SMARCAL1: variants seen among roughly 807,000 people sequenced by gnomAD.
SMARCAL1 encodes the protein SNF2 related chromatin remodeling annealing helicase 1, also known as ATP-driven annealing helicase.
In SMARCAL1, 58 loss-of-function variants were observed where a neutral mutation model predicts 94.5. That is an observed-to-expected ratio of 0.61 (90% confidence interval 0.50 to 0.76). The LOEUF is 0.76. Ranked by LOEUF, SMARCAL1 falls within the 30% of genes least tolerant of loss-of-function variation. SMARCAL1 has a pLI of 0.00. For synonymous variants in SMARCAL1, 422 were observed against 455.1 expected, an observed-to-expected ratio of 0.93 and a Z score of 0.93; for missense variants, 1,051 against 1,177.9, an observed-to-expected ratio of 0.89 and a Z score of 1.58.
chr2:216,472,205 A>C (rs2106082336), intron 14 of SMARCAL1, among the ~76,000 whole-genome samples: 1 of 152,232 alleles, frequency 6.6e-6, no homozygotes, highest in South Asian at 2.1e-4. Context: ...GAATACAAAA[A>C]TTAGCTGGGC....
rs1693992778 is a variant in SMARCAL1, at chr2:216,432,723, C to T, written c.1340C>T (p.Ala447Val). ...CTCACCTTGTCTGCCTTCAGTTTTG[C>T]CATAGCCAAAGGAGGCCGCCTGCTG... ...MPFQRAGVNFAIAKGGRLLLA... is the reference protein window; with the variant it reads ...MPFQRAGVNFVIAKGGRLLLA... The change falls in exon 8 of 18, where the codon GCC (alanine) becomes GTC (valine). Residue 447 changes from alanine to valine, a missense_variant. This residue lies in a region of SMARCAL1 where 642 missense variants were observed against 754.7 expected (regional missense o/e 0.85). Transcript: ENST00000357276. 1 of 1,613,978 alleles carries T rather than the reference C, an allele frequency of 6.2e-7. No individual in the cohort carries two copies. The highest frequency in any genetic ancestry group is 1.3e-5 in the African/African-American group (1 of 74,890).
chr2:216,455,038 A>G (rs748946048), intron 12 of SMARCAL1, among the ~76,000 whole-genome samples: 2 of 152,258 alleles, frequency 1.3e-5, no homozygotes, highest in African/African-American at 4.8e-5. Context: ...AGCAAACTGC[A>G]CACCAGGAGA....
chr2:216,416,164 T>C, intron 3 of SMARCAL1, 93 bp from the exon 4 acceptor site: 1 of 1,060,636 alleles, frequency 9.4e-7, no homozygotes. Context: ...GTTTTGAACT[T>C]GGCGTCCTTC....
intron 2 of SMARCAL1, chr2:216,414,262 A>T (rs926711937): frequency 6.0e-6 from 1 of 167,838 alleles, no homozygotes; most frequent in East Asian, 1.7e-4. Flanking sequence ...GGTTCAAGCA[A>T]TTCTCCTGCC....
Position 216,476,878 on chromosome 2 carries a change from C to T in SMARCAL1, c.2428-231C>T, listed in dbSNP as rs1371017929. Among the ~76,000 whole-genome samples, 2 of 152,214 alleles carry T rather than the reference C, an allele frequency of 1.3e-5. 1 individual carries two copies. The highest frequency in any genetic ancestry group is 2.9e-5 in the Non-Finnish European group (2 of 68,038). On this transcript the variant is annotated intron_variant, in intron 15 of 17. Coordinates refer to ENST00000357276, the MANE Select transcript of SMARCAL1 (RefSeq NM_014140.4). ...ACCTGCAGATCTTCTGCTTCAGATT[C>T]CAGTTCCCCAGCCAGGGCTGTTTTG... is the stretch of plus-strand genomic sequence containing the variant.
chr2:216,438,399 T>C (rs1448257599), intron 9 of SMARCAL1, 21 bp from the exon 10 acceptor site: 3 of 1,609,960 alleles, frequency 1.9e-6, no homozygotes, highest in Admixed American at 3.3e-5. Flanking sequence ...CTTGTACACT[T>C]ATGTGGCTAC....
At chr2:216,460,140 C>T (rs1694663209) in intron 12 of SMARCAL1, among the ~76,000 whole-genome samples, 1 of 152,156 alleles carries the variant, frequency 6.6e-6, no homozygotes, top group African/African-American at 2.4e-5. Flanking sequence ...AATGAGATAC[C>T]ATCTCACACC....
At chr2:216,443,318 G>A (rs1432978733) in intron 10 of SMARCAL1, among the ~76,000 whole-genome samples, 1 of 121,628 alleles carries the variant, frequency 8.2e-6, no homozygotes, top group African/African-American at 3.3e-5. Context: ...AGTGAGCCGA[G>A]ATCATGTCAC....
rs929767196 is a variant in SMARCAL1 at position 216,482,626 on chromosome 2, A to G, written c.2626-112A>G. 2.2e-5 allele frequency: 32 copies of G among 1,473,116 alleles called. No homozygotes were observed. The African/African-American group carries it at 4.2e-4, about 19-fold the overall frequency. 91.3% of individuals were successfully genotyped at this position (1,473,116 alleles called of 1,614,324 possible). A position where few individuals can be genotyped will look rare whatever the true frequency, so the allele number is the denominator to read the frequency against. On this transcript the variant is annotated intron_variant, in intron 17 of 17. Transcript: ENST00000357276. This position sits in a 1 kb window ranked among gnomAD's most constrained non-coding sequence, Gnocchi z 4.3. ...TGCCATCGTGTAGCTCCCTGACACC[A>G]TGAAATGTGTGGTCTCTCATCTTTA...
chr2:216,443,839 T>TG (rs1694250521), intron 10 of SMARCAL1, among the ~76,000 whole-genome samples: 1 of 152,168 alleles, frequency 6.6e-6, no homozygotes, highest in Non-Finnish European at 1.5e-5. Flanking sequence ...TGGTTTGTTT[T>TG]GGGGGGCACC....
intron 6 of SMARCAL1, among the ~76,000 whole-genome samples, chr2:216,425,474 G>C (rs1693812265): frequency 6.6e-6 from 1 of 152,196 alleles, no homozygotes; most frequent in Admixed American, 6.5e-5. Flanking sequence ...GAGTCCCAAG[G>C]TCTGGGCTCC....
rs1559120671 is a variant in SMARCAL1, at chr2:216,414,802, A to G, written c.98A>G (p.His33Arg). 1.9e-6 allele frequency: 3 copies of G among 1,614,260 alleles called. No individual in the cohort carries two copies. Among genetic ancestry groups the G allele is most frequent in the Non-Finnish European group, 2.5e-6 (3 of 1,180,052 alleles). The part of the protein sequence containing the change: ...RRAEKLLAEQ[H>R]QRTSSGTSIA... ...GCTGAGAAGTTATTGGCAGAACAGC[A>G]TCAGAGGACTAGCTCGGGCACCTCC... is the stretch of plus-strand genomic sequence containing the variant. The change falls in exon 3 of 18, where the codon CAT becomes CGT. Residue 33 changes from histidine (H) to arginine (R), a missense_variant. Physicochemically the swap from His to Arg is conservative, Grantham distance 29 (BLOSUM62 0). This residue lies in a region of SMARCAL1 where 398 missense variants were observed against 395.2 expected (regional missense o/e 1.01). Coordinates refer to ENST00000357276, the MANE Select transcript of SMARCAL1 (RefSeq NM_014140.4).
chr2:216,455,182 T>G (rs1694536796), intron 12 of SMARCAL1, among the ~76,000 whole-genome samples: 1 of 151,620 alleles, frequency 6.6e-6, no homozygotes, highest in Non-Finnish European at 1.5e-5. Flanking sequence ...GAGGCTTGAG[T>G]AGGTAAACAA....
At chr2:216,454,505 T>C (rs1255287923) in intron 12 of SMARCAL1, among the ~76,000 whole-genome samples, 3 of 152,206 alleles carry the variant, frequency 2.0e-5, no homozygotes, top group Non-Finnish European at 4.4e-5. Flanking sequence ...TTCTACCGTT[T>C]AGTAGCAGTG....
intron 9 of SMARCAL1, among the ~76,000 whole-genome samples, chr2:216,436,303 T>G (rs779527402): frequency 1.3e-5 from 2 of 152,242 alleles, no homozygotes; most frequent in Non-Finnish European, 2.9e-5. Context: ...TGACTGGACC[T>G]GCTTCCAGAT....
At chr2:216,451,354 A>G (rs1694446240) in intron 12 of SMARCAL1, 2 of 427,574 alleles carry the variant, frequency 4.7e-6, no homozygotes, top group East Asian at 5.0e-5. Context: ...GAATCCCTCA[A>G]AGAATGTGGA....
At chr2:216,455,831 TG>T (rs1255012004) in intron 12 of SMARCAL1, among the ~76,000 whole-genome samples, 2 of 152,104 alleles carry the variant, frequency 1.3e-5, no homozygotes, top group South Asian at 2.1e-4. Context: ...TCACCAGCAA[TG>T]GAACAAAGCT....
rs1694331040 is a variant in SMARCAL1 at position 216,447,043 on chromosome 2, C to T, written c.1736C>T (p.Ser579Leu). Residue 579 changes from serine to leucine, a missense_variant, in exon 11 of 18, where the codon TCG (serine) becomes TTG (leucine). Ser to Leu is a moderately radical substitution (Grantham distance 145, BLOSUM62 -2). This residue lies in a region of SMARCAL1 where 642 missense variants were observed against 754.7 expected (regional missense o/e 0.85). Transcript: ENST00000357276. ...GTTGCCAAGAGGGTGATCCTGTTGTCGGGCACACCAGCCATGTCCCGGCCC... is the reference window on the plus strand; with the variant it reads ...GTTGCCAAGAGGGTGATCCTGTTGTTGGGCACACCAGCCATGTCCCGGCCC... ...LKVAKRVILLSGTPAMSRPAE... is the reference protein window; with the variant it reads ...LKVAKRVILLLGTPAMSRPAE... 4.3e-6 allele frequency: 7 copies of T among 1,613,926 alleles called. No homozygotes were observed. Among genetic ancestry groups the T allele is most frequent in the Admixed American group, 1.7e-5 (1 of 59,990 alleles).
At chr2:216,462,129 A>G (rs1260288508) in intron 12 of SMARCAL1, among the ~76,000 whole-genome samples, 3 of 152,212 alleles carry the variant, frequency 2.0e-5, no homozygotes, top group Non-Finnish European at 4.4e-5. Context: ...CCACCAGTCA[A>G]GTATAATAAA....
Sources: allele counts gnomAD v4.1 joint callset (sites outside exome capture counted in the v4.1 genomes callset), GRCh38; gene constraint gnomAD v4.1.1; regional missense constraint gnomAD v4.1.1; non-coding constraint Gnocchi (gnomAD v3.1); transcripts MANE v1.5; gene names NCBI Gene and HGNC (gene_info 2026-07-23, HGNC 2026-07-21).